CPLX1: variants seen among roughly 807,000 people sequenced by gnomAD.
The protein encoded by CPLX1 is complexin-1.
A neutral mutation model predicts 15.6 loss-of-function variants in CPLX1; 6 were observed. That is an observed-to-expected ratio of 0.39 (90% CI 0.21 to 0.76). CPLX1 has a LOEUF of 0.76. CPLX1 is among the 30% of genes least tolerant of loss of function. The probability of loss-of-function intolerance (pLI) is 0.43; values close to 1 mark genes in which losing one functional copy is unlikely to be tolerated. For missense variants in CPLX1, 242 were observed against 188.6 expected, an observed-to-expected ratio of 1.28 and a Z score of -1.66; for synonymous variants, 91 against 75.2, an observed-to-expected ratio of 1.21 and a Z score of -1.08.
In CPLX1 at chr4:800,537, C is replaced by T. The variant is rs554404273; in HGVS notation, c.32-7929G>A. Among the ~76,000 whole-genome samples, 4 of 124,350 alleles carry T rather than the reference C, an allele frequency of 3.2e-5. No homozygotes were observed. In the South Asian group the frequency reaches 7.4e-4, roughly 23 times the overall value. 81.6% of individuals were successfully genotyped at this position (124,350 alleles called of 152,430 possible). On this transcript the variant is annotated intron_variant, in intron 2 of 3. Coordinates refer to ENST00000304062, the MANE Select transcript of CPLX1 (RefSeq NM_006651.4). The stretch of plus-strand genomic sequence containing the variant: ...AGACACATATATGTGTATATACATA[C>T]ACACACATGTATGTATATATAAATA...
chr4:786,773 C>G (rs1409163745), intron 3 of CPLX1, 75 bp from the exon 4 acceptor site: 7 of 1,508,560 alleles, frequency 4.6e-6, no homozygotes, highest in East Asian at 2.3e-5. Context: ...GCGCCAGGGA[C>G]TGGCCCAGGA....
At chr4:817,723 C>T (rs191477452) in intron 2 of CPLX1, among the ~76,000 whole-genome samples, 108 of 150,866 alleles carry the variant, frequency 7.2e-4, no homozygotes, top group Admixed American at 2.0e-3. Context: ...CCTTCCCTCA[C>T]GCCCCCTTGG....
chr4:810,514 C>T (rs1454776175), intron 2 of CPLX1, among the ~76,000 whole-genome samples: 1 of 152,206 alleles, frequency 6.6e-6, no homozygotes, highest in Non-Finnish European at 1.5e-5. Flanking sequence ...GGTTTCTCCA[C>T]ATGCGTGAGT....
At chr4:787,099 G>T in intron 3 of CPLX1, 6 of 985,394 alleles carry the variant, frequency 6.1e-6, no homozygotes, top group Non-Finnish European at 7.2e-6. Flanking sequence ...CAGTCAACCC[G>T]CAGCTGACCC....
At chr4:811,405 C>A (rs1439764909) in intron 2 of CPLX1, among the ~76,000 whole-genome samples, 2 of 152,158 alleles carry the variant, frequency 1.3e-5, no homozygotes, top group African/African-American at 4.8e-5. Context: ...CTTAGCCTCG[C>A]AAAGTGTTGG....
chr4:798,555 C>A (rs1746390143), intron 2 of CPLX1, among the ~76,000 whole-genome samples: 1 of 152,130 alleles, frequency 6.6e-6, no homozygotes, highest in Non-Finnish European at 1.5e-5. Flanking sequence ...CCATGCCCAG[C>A]TAATTTTTTA....
intron 3 of CPLX1, chr4:787,438 A>C: frequency 1.7e-3 from 1,577 of 923,652 alleles, no homozygotes; most frequent in Non-Finnish European, 1.9e-3. Context: ...AGGTGATCTC[A>C]TTCGGAAACA....
chr4:818,903 T>C (rs1388326105), intron 2 of CPLX1, among the ~76,000 whole-genome samples: 2 of 152,266 alleles, frequency 1.3e-5, no homozygotes, highest in Non-Finnish European at 2.9e-5. Flanking sequence ...CCTCGCCTCA[T>C]CCCGGGGGAC....
chr4:796,891 GA>G (rs1746352887), intron 2 of CPLX1, among the ~76,000 whole-genome samples: 1 of 152,210 alleles, frequency 6.6e-6, no homozygotes, highest in Non-Finnish European at 1.5e-5. Context: ...ACAGAATGAT[GA>G]TGGTGCAGTG....
At chr4:804,963 T>A (rs1746527936) in intron 2 of CPLX1, 1 of 984,708 alleles carries the variant, frequency 1.0e-6, no homozygotes, top group South Asian at 4.7e-5. Context: ...GTCCCACTCC[T>A]GCGCGGCGGC....
intron 3 of CPLX1, among the ~76,000 whole-genome samples, chr4:790,394 C>T (rs1038951488): frequency 6.6e-6 from 1 of 152,160 alleles, no homozygotes; most frequent in African/African-American, 2.4e-5. Context: ...GCCCTGCACC[C>T]CAGCTGCCAG....
At chr4:808,825 C>T (rs925998412) in intron 2 of CPLX1, among the ~76,000 whole-genome samples, 5 of 152,184 alleles carry the variant, frequency 3.3e-5, no homozygotes, top group Non-Finnish European at 7.4e-5. Flanking sequence ...AATCTGAGAA[C>T]GATGTCTAAG....
intron 2 of CPLX1, among the ~76,000 whole-genome samples, chr4:798,654 C>T (rs1471189152): frequency 6.6e-6 from 1 of 152,216 alleles, no homozygotes; most frequent in Non-Finnish European, 1.5e-5. Context: ...GCCTCAGCCT[C>T]CCGAAGTGCT....
intron 2 of CPLX1, among the ~76,000 whole-genome samples, chr4:819,355 G>A (rs991754076): frequency 6.6e-6 from 1 of 152,170 alleles, no homozygotes; most frequent in Admixed American, 6.5e-5. Flanking sequence ...TCACGGTTTC[G>A]GGAGGAAAGG....
At position 786,859 on chromosome 4, in the gene CPLX1, C is replaced by T. The variant is rs1166155508; in HGVS notation, c.208-161G>A. The stretch of plus-strand genomic sequence containing the variant: ...CCCAGAAGGAGAAGAGACCCCACCC[C>T]GGGGGGTCCCTGGAGGAATGGGAAG... On this transcript the variant is annotated intron_variant, in intron 3 of 3. Coordinates refer to ENST00000304062, the MANE Select transcript of CPLX1 (RefSeq NM_006651.4). 5 of 982,382 alleles carry T rather than the reference C, an allele frequency of 5.1e-6. No individual in the cohort carries two copies. In the African/African-American group the frequency reaches 8.7e-5, roughly 17 times the overall value. The allele number at this position is 982,382 out of a possible 1,614,324, so 60.9% of individuals were successfully genotyped here.
intron 2 of CPLX1, among the ~76,000 whole-genome samples, chr4:795,505 C>A (rs543381705): frequency 6.6e-6 from 1 of 152,226 alleles, no homozygotes; most frequent in Admixed American, 6.5e-5. Context: ...GACACCCCGA[C>A]TCTGATTGCA....
At chr4:813,483 C>A (rs1746698439) in intron 2 of CPLX1, among the ~76,000 whole-genome samples, 1 of 152,012 alleles carries the variant, frequency 6.6e-6, no homozygotes, top group African/African-American at 2.4e-5. Context: ...GCGAGTGGGG[C>A]AGACATGAGG....
chr4:816,569 C>T (rs1156613466), intron 2 of CPLX1, among the ~76,000 whole-genome samples: 1 of 152,100 alleles, frequency 6.6e-6, no homozygotes, highest in African/African-American at 2.4e-5. Context: ...TGCAGTATCT[C>T]AATTTTCCCA....
intron 2 of CPLX1, among the ~76,000 whole-genome samples, chr4:799,440 C>A (rs892105202): frequency 1.3e-5 from 2 of 152,218 alleles, no homozygotes; most frequent in Non-Finnish European, 2.9e-5. Flanking sequence ...GAGGGTAGCA[C>A]CCCAGCTCCA....
Sources: gnomAD v4.1 joint callset for allele counts (sites outside exome capture counted in the v4.1 genomes callset) on GRCh38, gnomAD v4.1.1 for gene constraint, MANE v1.5 for transcripts, NCBI Gene and HGNC (gene_info 2026-07-23, HGNC 2026-07-21) for gene names.